The following RIMS2 variants were observed in gnomAD, a reference collection of about 807,000 sequenced individuals.
RIMS2 encodes the protein regulating synaptic membrane exocytosis 2, also known as regulating synaptic membrane exocytosis protein 2.
RIMS2 carries 59 observed loss-of-function variants against 174.4 expected under a neutral mutation model. That is an observed-to-expected ratio of 0.34 (90% CI 0.27 to 0.42). The LOEUF is 0.42. RIMS2 is among the 10% of genes least tolerant of loss of function. The pLI is 1.00. For synonymous variants in RIMS2, 606 were observed against 572.5 expected, an observed-to-expected ratio of 1.06 and a Z score of -0.84; for missense variants, 1,620 against 1,666.3, an observed-to-expected ratio of 0.97 and a Z score of 0.48.
chr8:103,921,778 A>G (rs1466283783), exon 10 of RIMS2: 2 of 1,242,674 alleles, frequency 1.6e-6, no homozygotes, highest in South Asian at 1.2e-5. Context: ...TATCAGGACA[A>G]CTTTCAGTAT....
intron 5 of RIMS2, chr8:103,910,395 C>A: frequency 6.3e-7 from 1 of 1,596,570 alleles, no homozygotes; most frequent in Non-Finnish European, 8.5e-7. Flanking sequence ...GTCTGAGAGA[C>A]AAAAGGAAAT....
At chr8:104,129,333 C>G (rs2098456233) in intron 19 of RIMS2, among the ~76,000 whole-genome samples, 1 of 152,110 alleles carries the variant, frequency 6.6e-6, no homozygotes, top group Admixed American at 6.6e-5. Context: ...TACAATCAGC[C>G]CTAGTAATAC....
At chr8:103,680,859 T>G (rs922934200) in intron 1 of RIMS2, among the ~76,000 whole-genome samples, 2 of 151,944 alleles carry the variant, frequency 1.3e-5, no homozygotes, top group African/African-American at 4.8e-5. Flanking sequence ...GAGAGAAAAC[T>G]AGAATATTCA....
chr8:103,905,478 T>G (rs2074175331), intron 4 of RIMS2, among the ~76,000 whole-genome samples: 1 of 152,144 alleles, frequency 6.6e-6, no homozygotes, highest in African/African-American at 2.4e-5. Context: ...CCCCTTTAGG[T>G]AAGGTGTTGC....
intron 19 of RIMS2, among the ~76,000 whole-genome samples, chr8:104,118,576 C>A (rs1261090961): frequency 6.6e-6 from 1 of 151,758 alleles, no homozygotes; most frequent in Non-Finnish European, 1.5e-5. Context: ...ACCATGTTGG[C>A]CAGGCTGGTC....
At chr8:104,152,215 G>A (rs1200340066) in intron 19 of RIMS2, among the ~76,000 whole-genome samples, 1 of 152,126 alleles carries the variant, frequency 6.6e-6, no homozygotes, top group East Asian at 1.9e-4. Context: ...ATATCATAAA[G>A]TTCCTTCCTA....
chr8:104,252,103 A>G, downstream of RIMS2: 1 of 449,210 alleles, frequency 2.2e-6, no homozygotes, highest in Non-Finnish European at 3.9e-6. Context: ...TCAAAGAATC[A>G]GTCAGTTTCA....
intron 2 of RIMS2, among the ~76,000 whole-genome samples, chr8:103,722,380 T>C (rs910693699): frequency 1.3e-5 from 2 of 152,106 alleles, no homozygotes; most frequent in Non-Finnish European, 2.9e-5. Flanking sequence ...GTTCATCATA[T>C]TGTAGAATCA....
At chr8:103,555,424 A>T (rs1849958738) in intron 1 of RIMS2, among the ~76,000 whole-genome samples, 1 of 152,048 alleles carries the variant, frequency 6.6e-6, no homozygotes, top group Non-Finnish European at 1.5e-5. Flanking sequence ...TAGGAATGTA[A>T]GTTAGTACAG....
intron 2 of RIMS2, among the ~76,000 whole-genome samples, chr8:103,737,260 T>C (rs2097698577): frequency 7.2e-6 from 1 of 137,984 alleles, no homozygotes. Flanking sequence ...CTCAGCTCAC[T>C]GCATCCTCCG....
At chr8:103,633,001 A>G (rs200855510) in intron 1 of RIMS2, among the ~76,000 whole-genome samples, 2 of 149,308 alleles carry the variant, frequency 1.3e-5, no homozygotes, top group Non-Finnish European at 3.0e-5. Flanking sequence ...CCAAAGTGCT[A>G]GGATTACAGG....
intron 16 of RIMS2, among the ~76,000 whole-genome samples, chr8:103,986,649 T>G (rs904895147): frequency 2.0e-5 from 3 of 152,054 alleles, no homozygotes; most frequent in Non-Finnish European, 4.4e-5. Flanking sequence ...AAATGAAAGT[T>G]AAAATAACAA....
intron 6 of RIMS2, among the ~76,000 whole-genome samples, chr8:103,913,450 A>T (rs1332152621): frequency 6.6e-6 from 1 of 152,014 alleles, no homozygotes; most frequent in African/African-American, 2.4e-5. Context: ...AAAAAAGTAA[A>T]TGTTTTAGAG....
At chr8:103,560,277 C>T (rs993170022) in intron 1 of RIMS2, among the ~76,000 whole-genome samples, 1 of 152,062 alleles carries the variant, frequency 6.6e-6, no homozygotes. Flanking sequence ...ACTCGGGAGG[C>T]TGAGGTAGGA....
chr8:103,758,710 G>T (rs994520314), intron 2 of RIMS2, among the ~76,000 whole-genome samples: 1 of 151,830 alleles, frequency 6.6e-6, no homozygotes, highest in Non-Finnish European at 1.5e-5. Flanking sequence ...TAAAATTCTG[G>T]GTGTAGAAAC....
intron 1 of RIMS2, among the ~76,000 whole-genome samples, chr8:103,614,524 T>C (rs1222114173): frequency 3.3e-5 from 5 of 152,226 alleles, no homozygotes; most frequent in African/African-American, 1.2e-4. Flanking sequence ...TTTTGGTTAT[T>C]GAGATAGTGC....
At chr8:103,915,937 C>T (rs939293176) in intron 7 of RIMS2, among the ~76,000 whole-genome samples, 1 of 151,866 alleles carries the variant, frequency 6.6e-6, no homozygotes, top group Non-Finnish European at 1.5e-5. Flanking sequence ...GTGTGTGTCA[C>T]CCCTTATCTC....
At chr8:103,949,124 C>CAAAA (rs533642917) in intron 14 of RIMS2, among the ~76,000 whole-genome samples, 755 of 43,998 alleles carry the variant, frequency 0.017, 43 homozygotes, top group Non-Finnish European at 0.024. Flanking sequence ...GAGACTCTGT[C>CAAAA]AAAAAAAAAA....
At chr8:104,131,303 C>T (rs1273001223) in intron 19 of RIMS2, among the ~76,000 whole-genome samples, 1 of 152,050 alleles carries the variant, frequency 6.6e-6, no homozygotes, top group Non-Finnish European at 1.5e-5. Context: ...AGATAGGAAA[C>T]TAAACCAACC....
Sources: allele counts gnomAD v4.1 joint callset (sites outside exome capture counted in the v4.1 genomes callset), GRCh38; gene constraint gnomAD v4.1.1; transcripts MANE v1.5; gene names NCBI Gene and HGNC (gene_info 2026-07-23, HGNC 2026-07-21).